The following FRYL variants were observed in gnomAD, a reference collection of about 807,000 sequenced individuals.
FRYL encodes protein furry homolog-like.
FRYL carries 150 observed loss-of-function variants against 351.2 expected under a neutral mutation model. That is an observed-to-expected ratio of 0.43 (90% confidence interval 0.37 to 0.49). The LOEUF is 0.49. Ranked by LOEUF, FRYL falls within the 20% of genes least tolerant of loss-of-function variation. The pLI is 0.00. For missense variants in FRYL, 3,036 were observed against 3,619.3 expected, an observed-to-expected ratio of 0.84 and a Z score of 4.13; for synonymous variants, 1,153 against 1,257.1, an observed-to-expected ratio of 0.92 and a Z score of 1.75.
At chr4:48,518,349 T>A (rs1376510110) in intron 55 of FRYL, among the ~76,000 whole-genome samples, 1 of 152,218 alleles carries the variant, frequency 6.6e-6, no homozygotes, top group Non-Finnish European at 1.5e-5. Context: ...AAATTCTTGC[T>A]AATATTCTTC....
At chr4:48,699,535 T>A (rs946321688) in intron 2 of FRYL, among the ~76,000 whole-genome samples, 15 of 152,312 alleles carry the variant, frequency 9.8e-5, no homozygotes, top group African/African-American at 3.4e-4. Context: ...AGCCAAGATT[T>A]TTAAATCTTT....
intron 2 of FRYL, among the ~76,000 whole-genome samples, chr4:48,690,585 A>T (rs1366253906): frequency 6.6e-6 from 1 of 152,202 alleles, no homozygotes; most frequent in Non-Finnish European, 1.5e-5. Context: ...TTTAACAAAA[A>T]TTTCAATTAA....
At chr4:48,607,665 C>T (rs1019308810) in intron 9 of FRYL, among the ~76,000 whole-genome samples, 2 of 152,180 alleles carry the variant, frequency 1.3e-5, no homozygotes, top group African/African-American at 2.4e-5. Flanking sequence ...CCCTTAGGTG[C>T]TATCAGCCTA....
At chr4:48,571,192 A>C (rs1236468855) in intron 26 of FRYL, among the ~76,000 whole-genome samples, 1 of 152,218 alleles carries the variant, frequency 6.6e-6, no homozygotes, top group Non-Finnish European at 1.5e-5. Context: ...TTTGCTAATC[A>C]GACAGTTTTG....
intron 2 of FRYL, among the ~76,000 whole-genome samples, chr4:48,704,303 C>T (rs1767069832): frequency 1.3e-5 from 2 of 151,946 alleles, no homozygotes; most frequent in South Asian, 4.2e-4. Context: ...GCCTCTTAGC[C>T]ATATAAAAAG....
Position 48,539,966 on chromosome 4 carries a change from C to T in FRYL, c.6393+5G>A. 1 of 1,600,814 alleles carries T rather than the reference C, an allele frequency of 6.2e-7. No homozygotes were observed. The highest frequency in any genetic ancestry group is 8.6e-7 in the Non-Finnish European group (1 of 1,168,882). ...GTGTTACCTTTCAGCATAACATTTGCTTACCTTTGCTATTCGACTAGCTGT... is the reference window on the plus strand; with the variant it reads ...GTGTTACCTTTCAGCATAACATTTGTTTACCTTTGCTATTCGACTAGCTGT... On this transcript the variant is annotated splice_donor_5th_base_variant and intron_variant, in intron 47 of 63. Coordinates refer to ENST00000358350, the MANE Select transcript of FRYL (RefSeq NM_015030.2).
intron 13 of FRYL, among the ~76,000 whole-genome samples, chr4:48,600,351 A>C (rs1165366190): frequency 6.6e-6 from 1 of 152,168 alleles, no homozygotes; most frequent in Non-Finnish European, 1.5e-5. Context: ...CAATTCATAA[A>C]ATTTCTGCTG....
At chr4:48,534,277 T>C (rs1429036274) in intron 49 of FRYL, among the ~76,000 whole-genome samples, 1 of 152,182 alleles carries the variant, frequency 6.6e-6, no homozygotes. Context: ...TCCAGAGTTT[T>C]GACTGCTGCA....
At chr4:48,633,244 T>G (rs1436303187) in intron 4 of FRYL, among the ~76,000 whole-genome samples, 1 of 152,146 alleles carries the variant, frequency 6.6e-6, no homozygotes, top group African/African-American at 2.4e-5. Context: ...AAGGTAAAAC[T>G]GTTCTGTTTT....
At chr4:48,687,193 T>A (rs1765221369) in intron 2 of FRYL, among the ~76,000 whole-genome samples, 1 of 152,216 alleles carries the variant, frequency 6.6e-6, no homozygotes, top group Non-Finnish European at 1.5e-5. Flanking sequence ...CTACTACTTT[T>A]AAAATATTAT....
At chr4:48,692,073 A>C (rs1263127349) in intron 2 of FRYL, among the ~76,000 whole-genome samples, 1 of 152,210 alleles carries the variant, frequency 6.6e-6, no homozygotes, top group Non-Finnish European at 1.5e-5. Context: ...GAAATGTTGA[A>C]TATAGGATAC....
At chr4:48,587,395 CTTAATATACTGGTTT>C (rs1025309951) in intron 18 of FRYL, among the ~76,000 whole-genome samples, 1 of 152,028 alleles carries the variant, frequency 6.6e-6, no homozygotes, top group African/African-American at 2.4e-5. Flanking sequence ...TGTCTAACCT[CTTAATATACTGGTTT>C]TTATTCTGGT....
chr4:48,579,045 G>T lies in FRYL; in HGVS notation c.2456C>A (p.Ser819Tyr). The T allele has an allele frequency of 6.2e-7, 1 of 1,613,906 alleles. No homozygotes were observed. The highest frequency in any genetic ancestry group is 8.5e-7 in the Non-Finnish European group (1 of 1,179,796). Residue 819 changes from serine to tyrosine, a missense_variant, in exon 23 of 64, where the codon TCT (serine) becomes TAT (tyrosine). Ser to Tyr is a moderately radical substitution (Grantham distance 144). Coordinates refer to ENST00000358350, the MANE Select transcript of FRYL (RefSeq NM_015030.2). ...LKQENLPKHC[S>Y]TAVSYAWMFA... ...CATCCAAGCATAGCTCACAGCTGTA[G>T]AGCAGTGTTTAGGAAGATTTTCTTG...
chr4:48,565,459 T>C (rs1578144481), intron 29 of FRYL, 72 bp downstream of exon 29: 3 of 1,158,706 alleles, frequency 2.6e-6, no homozygotes, highest in Middle Eastern at 2.8e-4. Context: ...TTTTTAATAC[T>C]AGTGACTGAG....
At chr4:48,592,081 CTTATATATATATATATATATAT>C (rs1743395041) in intron 16 of FRYL, among the ~76,000 whole-genome samples, 1 of 24,808 alleles carries the variant, frequency 4.0e-5, no homozygotes, top group African/African-American at 1.6e-4. Flanking sequence ...AAATAAAGCT[CTTATATATATATATATATATAT>C]ATATATATAT....
chr4:48,687,507 TGAGGGGG>T (rs1765268827), intron 2 of FRYL, among the ~76,000 whole-genome samples: 3 of 11,174 alleles, frequency 2.7e-4, no homozygotes, highest in African/African-American at 1.0e-3. Flanking sequence ...GGGGGGGGGG[TGAGGGGG>T]GAGGGGGGCG....
intron 1 of FRYL, among the ~76,000 whole-genome samples, chr4:48,746,471 G>C (rs1473902696): frequency 2.7e-5 from 4 of 150,420 alleles, no homozygotes; most frequent in Admixed American, 6.6e-5. Flanking sequence ...CGTGAACCCG[G>C]GAGGCGGAGC....
chr4:48,501,767 G>A, intron 61 of FRYL, 34 bp from the exon 62 acceptor site: 1 of 1,215,018 alleles, frequency 8.2e-7, no homozygotes, highest in South Asian at 1.3e-5. Flanking sequence ...AAATTTAGGT[G>A]TTATTTTCTA....
chr4:48,690,130 C>T (rs1390764824), intron 2 of FRYL, among the ~76,000 whole-genome samples: 1 of 151,180 alleles, frequency 6.6e-6, no homozygotes, highest in Non-Finnish European at 1.5e-5. Context: ...TGATCTCGAT[C>T]TCCTGACCTC....
Sources: gnomAD v4.1 joint callset for allele counts (sites outside exome capture counted in the v4.1 genomes callset) on GRCh38, gnomAD v4.1.1 for gene constraint, MANE v1.5 for transcripts, NCBI Gene and HGNC (gene_info 2026-07-23, HGNC 2026-07-21) for gene names.